JAG2: variants seen among roughly 807,000 people sequenced by gnomAD.
JAG2 encodes the protein protein jagged-2.
JAG2 carries 46 observed loss-of-function variants against 141.7 expected under a neutral mutation model. That is an observed-to-expected ratio of 0.32 (90% CI 0.26 to 0.42). The LOEUF (loss-of-function observed/expected upper bound fraction) is 0.42. Among genes scored for constraint, JAG2 ranks in the 10% least tolerant of loss-of-function variants. The pLI is 1.00. For synonymous variants in JAG2, 862 were observed against 763.5 expected (o/e 1.13, Z -2.13); for missense variants, 1,500 against 1,817.5 (o/e 0.83, Z 3.18).
intron 7 of JAG2, 88 bp from the exon 8 acceptor site, chr14:105,151,827 C>G: frequency 1.2e-6 from 2 of 1,603,318 alleles, no homozygotes; most frequent in Non-Finnish European, 1.7e-6. Context: ...GGTTCCCAAG[C>G]TGGGGGTCAG....
intron 23 of JAG2, 58 bp downstream of exon 23, chr14:105,145,673 C>A: frequency 6.4e-7 from 1 of 1,551,228 alleles, no homozygotes; most frequent in South Asian, 1.2e-5. Flanking sequence ...TTTCGCCATG[C>A]CACGAGCAGA....
chr14:105,166,041 G>A (rs1888898879), intron 2 of JAG2, among the ~76,000 whole-genome samples: 1 of 152,176 alleles, frequency 6.6e-6, no homozygotes, highest in African/African-American at 2.4e-5. Context: ...CCCCAAACAC[G>A]CAGCTATGAC....
chr14:105,155,215 G>A (rs966370767), intron 5 of JAG2, among the ~76,000 whole-genome samples: 5 of 151,228 alleles, frequency 3.3e-5, no homozygotes, highest in Non-Finnish European at 7.4e-5. Context: ...CCGGCCGCTC[G>A]CCGCCCACCC....
intron 24 of JAG2, 117 bp from the exon 25 acceptor site, chr14:105,143,755 G>A: frequency 7.8e-7 from 1 of 1,287,018 alleles, no homozygotes; most frequent in Non-Finnish European, 1.1e-6. Flanking sequence ...GGAGACGAGA[G>A]CCCGGGGTCC....
At chr14:105,160,157 G>C (rs1460603743) in intron 2 of JAG2, among the ~76,000 whole-genome samples, 7 of 11,960 alleles carry the variant, frequency 5.9e-4, no homozygotes, top group Non-Finnish European at 6.0e-4. Flanking sequence ...CCCCAGGACT[G>C]TGTCCACACC....
intron 5 of JAG2, among the ~76,000 whole-genome samples, chr14:105,153,623 C>T (rs971893931): frequency 2.6e-5 from 4 of 152,134 alleles, no homozygotes; most frequent in Admixed American, 6.5e-5. Flanking sequence ...GGTGGGGGGG[C>T]GTCCTGCACT....
intron 3 of JAG2, among the ~76,000 whole-genome samples, chr14:105,156,849 C>T (rs1279822294): frequency 6.6e-6 from 1 of 152,128 alleles, no homozygotes; most frequent in African/African-American, 2.4e-5. Flanking sequence ...TCTGCCACCC[C>T]CTCAGGAAAC....
In JAG2 at chr14:105,154,754, G is replaced by A. The variant is rs1348801264; in HGVS notation, c.788+808C>T. Among the ~76,000 whole-genome samples, 1 of 151,808 alleles carries A rather than the reference G, an allele frequency of 6.6e-6. No individual in the cohort carries two copies. The highest frequency in any genetic ancestry group is 2.4e-5 in the African/African-American group (1 of 41,282). On this transcript the variant is annotated intron_variant, in intron 5 of 25. Coordinates refer to ENST00000331782, the MANE Select transcript of JAG2 (RefSeq NM_002226.5). The surrounding 1 kb of genome is among the most constrained non-coding windows in gnomAD (Gnocchi z 4.4). ...GGCCTCTCCCACGAGCTTTCTGGGTGTCTCCAGGGACAGGGCAGGCATCGC... is the reference window on the plus strand; with the variant it reads ...GGCCTCTCCCACGAGCTTTCTGGGTATCTCCAGGGACAGGGCAGGCATCGC...
Position 105,168,452 on chromosome 14 carries a change from G to A in JAG2, c.-32C>T. 1.7e-6 allele frequency: 1 copy of A among 598,338 alleles called. No homozygotes were observed. The highest frequency in any genetic ancestry group is 2.1e-6 in the Non-Finnish European group (1 of 479,940). The allele number at this position is 598,338 out of a possible 1,614,324, so 37.1% of individuals were successfully genotyped here. A position where few individuals can be genotyped will look rare whatever the true frequency, so the allele number is the denominator to read the frequency against. On this transcript the variant is annotated 5_prime_UTR_variant, in exon 1 of 26. Coordinates refer to ENST00000331782, the MANE Select transcript of JAG2 (RefSeq NM_002226.5). ...CGCGACCCGCCCGCCCGGCCCCGCC[G>A]CCGCCGCCCGCGCCCGGCTCCCAGC... is the stretch of plus-strand genomic sequence containing the variant.
At chr14:105,165,168 C>T (rs1294032947) in intron 2 of JAG2, among the ~76,000 whole-genome samples, 1 of 152,080 alleles carries the variant, frequency 6.6e-6, no homozygotes, top group African/African-American at 2.4e-5. Flanking sequence ...GGGTGGGGCC[C>T]TGGCTGCCCA....
chr14:105,156,931 C>T (rs1233458406), intron 3 of JAG2, among the ~76,000 whole-genome samples: 3 of 152,150 alleles, frequency 2.0e-5, no homozygotes, highest in African/African-American at 7.2e-5. Context: ...GCCGTCCCTG[C>T]CCTGAAAACA....
Position 105,162,292 on chromosome 14 carries a change from C to T in JAG2, c.418-4529G>A, listed in dbSNP as rs587619505. 4.1e-4 allele frequency among the ~76,000 whole-genome samples: 62 copies of T among 152,168 alleles called. 1 individual carries two copies. The highest frequency in any genetic ancestry group is 1.4e-3 in the African/African-American group (57 of 41,502). On this transcript the variant is annotated intron_variant, in intron 2 of 25. Coordinates refer to ENST00000331782, the MANE Select transcript of JAG2 (RefSeq NM_002226.5). ...CAAGCCCGGCCTGACCCACCCCCAC[C>T]GCACAAGCAGACCCGCAGCCCAACT...
In JAG2 at chr14:105,143,175, G is replaced by T. The variant is rs748805926; in HGVS notation, c.3242-5C>A. The T allele has an allele frequency of 1.9e-6, 3 of 1,596,804 alleles. No homozygotes were observed. Among genetic ancestry groups the T allele is most frequent in the Non-Finnish European group, 2.5e-6 (3 of 1,179,144 alleles). On this transcript the variant is annotated splice_polypyrimidine_tract_variant and splice_region_variant and intron_variant, in intron 25 of 25. Transcript: ENST00000331782. ...ACAGCACAGGCACCAGCAGACCTGG[G>T]GACCGGGGAGAAGAGCCGGTGGGCA...
In JAG2 at chr14:105,146,943, TG is replaced by T. The variant is rs1393573174; in HGVS notation, c.2480-220del. 4.3e-5 allele frequency: 28 copies of T among 647,660 alleles called. No individual in the cohort carries two copies. The Admixed American group carries it at 6.0e-4, about 14-fold the overall frequency. 40.1% of individuals were successfully genotyped at this position (647,660 alleles called of 1,614,324 possible). ...CACCCTCCTCCGTCTGCTTCTGCAG[TG>T]GGCCTGTCCCATCCTGGATTAGCCC... On this transcript the variant is annotated intron_variant, in intron 20 of 25. Transcript: ENST00000331782.
chr14:105,153,167 C>T (rs973505611), intron 5 of JAG2, among the ~76,000 whole-genome samples: 8 of 152,090 alleles, frequency 5.3e-5, no homozygotes, highest in Admixed American at 2.0e-4. Context: ...ACTTCCACAC[C>T]GGCACCCGCC....
chr14:105,157,169 G>A (rs987616883), intron 3 of JAG2, among the ~76,000 whole-genome samples: 1 of 152,122 alleles, frequency 6.6e-6, no homozygotes, highest in East Asian at 1.9e-4. Context: ...GGCGGAGCCC[G>A]TGTCCTCTCA....
In JAG2 at chr14:105,143,732, AG is replaced by A. The variant is rs1888135972; in HGVS notation, c.3085-95del. On this transcript the variant is annotated intron_variant, in intron 24 of 25. Transcript: ENST00000331782. ...CTGAGGCCCTGGCCACACTGGAGCAAGGTGGGCGCACGGGAGACGAGAGCCC... is the reference window on the plus strand; with the variant it reads ...CTGAGGCCCTGGCCACACTGGAGCAAGTGGGCGCACGGGAGACGAGAGCCC... 29 of 1,491,648 alleles carry A rather than the reference AG, an allele frequency of 1.9e-5. No homozygotes were observed. The East Asian group carries it at 6.7e-4, about 34-fold the overall frequency. 92.4% of individuals were successfully genotyped at this position (1,491,648 alleles called of 1,614,324 possible).
In JAG2 at chr14:105,142,665, C is replaced by G; in HGVS notation, c.*30G>C. 6.5e-7 allele frequency: 1 copy of G among 1,546,528 alleles called. No homozygotes were observed. The highest frequency in any genetic ancestry group is 1.2e-5 in the South Asian group (1 of 85,588). Reference sequence around the variant, plus strand: ...AGACGGCATGGCTCCCACCGAGGGCCCTGGGTCCCGGCCCAGCTGGCAGCC... The same window carrying G: ...AGACGGCATGGCTCCCACCGAGGGCGCTGGGTCCCGGCCCAGCTGGCAGCC... On this transcript the variant is annotated 3_prime_UTR_variant, in exon 26 of 26. Coordinates refer to ENST00000331782, the MANE Select transcript of JAG2 (RefSeq NM_002226.5).
rs781713553 is a variant in JAG2 at position 105,143,215 on chromosome 14, C to T, written c.3242-45G>A. On this transcript the variant is annotated intron_variant, in intron 25 of 25. Transcript: ENST00000331782. The stretch of plus-strand genomic sequence containing the variant: ...GCCGGTGGGCAATGAGGCCTGGGCA[C>T]CTGCGGGGCACTAGCCACACACCCA... 3 of 1,565,322 alleles carry T rather than the reference C, an allele frequency of 1.9e-6. No homozygotes were observed. The East Asian group carries it at 6.9e-5, about 36-fold the overall frequency.
Sources: allele counts gnomAD v4.1 joint callset (sites outside exome capture counted in the v4.1 genomes callset), GRCh38; gene constraint gnomAD v4.1.1; non-coding constraint Gnocchi (gnomAD v3.1); transcripts MANE v1.5; gene names NCBI Gene and HGNC (gene_info 2026-07-23, HGNC 2026-07-21).